The following PTPRN2 variants were observed in gnomAD, a reference collection of about 807,000 sequenced individuals.
The protein encoded by PTPRN2 is protein tyrosine phosphatase receptor type N2.
PTPRN2 carries 74 observed loss-of-function variants against 118.8 expected under a neutral mutation model. The observed-to-expected ratio is 0.62, with a 90% CI of 0.52 to 0.76. The LOEUF is 0.76. Ranked by LOEUF, PTPRN2 falls within the 30% of genes least tolerant of loss-of-function variation. The pLI is 0.00. For missense variants in PTPRN2, 1,481 were observed against 1,394.4 expected (o/e 1.06, Z -0.99); for synonymous variants, 641 against 608.0 (o/e 1.05, Z -0.80).
chr7:157,559,711 G>A (rs1799082641), intron 21 of PTPRN2, among the ~76,000 whole-genome samples: 2 of 152,172 alleles, frequency 1.3e-5, no homozygotes, highest in African/African-American at 4.8e-5. Context: ...TGGAGGGCAG[G>A]ACTTTGATCC....
intron 2 of PTPRN2, among the ~76,000 whole-genome samples, chr7:158,355,522 G>A (rs948058007): frequency 2.0e-5 from 3 of 152,252 alleles, no homozygotes; most frequent in Non-Finnish European, 4.4e-5. Context: ...TGCAACTGCA[G>A]TGCAGCCCTG....
Position 157,942,178 on chromosome 7 carries a change from C to T in PTPRN2, c.1724-43441G>A, listed in dbSNP as rs548765322. Among the ~76,000 whole-genome samples the T allele has an allele frequency of 8.9e-3, 311 of 34,786 alleles. 9 individuals are homozygous for T. The African/African-American group carries it at 0.11, about 12-fold the overall frequency. 22.8% of individuals were successfully genotyped at this position (34,786 alleles called of 152,430 possible). ...CCCACCCTCCACACACAGGGGTCCT[C>T]GGCCCACCCTCCACACACAGGGGTC... On this transcript the variant is annotated intron_variant, in intron 11 of 22. Transcript: ENST00000389418.
chr7:157,626,659 T>C (rs1224631887), intron 14 of PTPRN2, among the ~76,000 whole-genome samples: 1 of 152,154 alleles, frequency 6.6e-6, no homozygotes, highest in Admixed American at 6.5e-5. Flanking sequence ...ATGAGATTAA[T>C]TTTTTTAGGG....
At chr7:158,121,050 G>A (rs1001990845) in intron 9 of PTPRN2, among the ~76,000 whole-genome samples, 3 of 151,768 alleles carry the variant, frequency 2.0e-5, no homozygotes, top group East Asian at 1.9e-4. Context: ...CCTTTTTTTC[G>A]TGTGGCTGCA....
intron 12 of PTPRN2, among the ~76,000 whole-genome samples, chr7:157,734,077 ATG>A (rs1800140411): frequency 1.1e-5 from 1 of 87,210 alleles, no homozygotes; most frequent in Non-Finnish European, 2.3e-5. Context: ...TTTCCGTCCC[ATG>A]CACCCAGCAC....
chr7:158,554,423 G>A (rs750179433), intron 1 of PTPRN2, among the ~76,000 whole-genome samples: 2 of 152,214 alleles, frequency 1.3e-5, no homozygotes, highest in Non-Finnish European at 2.9e-5. Context: ...TGCTCTGGGA[G>A]GTGAAAAGTG....
In PTPRN2 at chr7:157,574,513, T is replaced by TGAGAGA. The variant is rs60406378; in HGVS notation, c.2783+2094_2783+2099dup. 1.4e-3 allele frequency: 404 copies of TGAGAGA among 283,480 alleles called. 2 individuals are homozygous for TGAGAGA. The highest frequency in any genetic ancestry group is 6.8e-3 in the African/African-American group (309 of 45,164). The allele number at this position is 283,480 out of a possible 1,614,324, so 17.6% of individuals were successfully genotyped here. A position where few individuals can be genotyped will look rare whatever the true frequency, so the allele number is the denominator to read the frequency against. ...ACAGCAAGAAGGGAGAGAGTAATAA[T>TGAGAGA]GAGAGAGAGAGAGAGAGAGAGAGTT... On this transcript the variant is annotated intron_variant, in intron 19 of 22. Transcript: ENST00000389418.
rs1185275697 is a variant in PTPRN2 at position 157,787,951 on chromosome 7, C to T, written c.1789-105014G>A. Among the ~76,000 whole-genome samples, 1 of 152,024 alleles carries T rather than the reference C, an allele frequency of 6.6e-6. No homozygotes were observed. Among genetic ancestry groups the T allele is most frequent in the Non-Finnish European group, 1.5e-5 (1 of 67,986 alleles). ...GCCTGGAGGTCTGGACAATGGGGAG[C>T]CAGCACCGGGTCCCCTGGGAACCAC... On this transcript the variant is annotated intron_variant, in intron 12 of 22. Coordinates refer to ENST00000389418, the MANE Select transcript of PTPRN2 (RefSeq NM_002847.5). The surrounding 1 kb of genome is among the most constrained non-coding windows in gnomAD (Gnocchi z 5.3).
At chr7:157,910,353 AGGATCAGGCACGTACGCC>A (rs1215220417) in intron 11 of PTPRN2, among the ~76,000 whole-genome samples, 4 of 148,246 alleles carry the variant, frequency 2.7e-5, no homozygotes, top group African/African-American at 1.0e-4. Context: ...GAACGGGTCC[AGGATCAGGCACGTACGCC>A]GGATCACGCA....
chr7:157,750,283 T>C (rs898875545), intron 12 of PTPRN2, among the ~76,000 whole-genome samples: 13 of 152,316 alleles, frequency 8.5e-5, no homozygotes, highest in Admixed American at 2.0e-4. Context: ...TCTTGTTTCT[T>C]GTTGTGTGGT....
intron 3 of PTPRN2, among the ~76,000 whole-genome samples, chr7:158,270,017 G>A (rs147591650): frequency 2.6e-4 from 40 of 152,326 alleles, no homozygotes; most frequent in African/African-American, 7.5e-4. Flanking sequence ...GCAGTTGCCC[G>A]TCCACTCTCT....
chr7:157,654,557 C>T (rs904452115), intron 14 of PTPRN2, among the ~76,000 whole-genome samples: 9 of 152,130 alleles, frequency 5.9e-5, no homozygotes, highest in African/African-American at 1.4e-4. Flanking sequence ...AGACGCGTTC[C>T]GAAACAGGAC....
intron 11 of PTPRN2, among the ~76,000 whole-genome samples, chr7:157,950,308 G>A (rs1200437353): frequency 1.3e-5 from 2 of 152,206 alleles, no homozygotes; most frequent in Admixed American, 6.5e-5. Flanking sequence ...GTTTCTGAGT[G>A]AACGGAGGTT....
chr7:158,119,353 G>C (rs1437310244), intron 9 of PTPRN2, among the ~76,000 whole-genome samples: 2 of 152,096 alleles, frequency 1.3e-5, no homozygotes, highest in Non-Finnish European at 1.5e-5. Context: ...GATGGCCACT[G>C]TAAGAAGAAA....
intron 12 of PTPRN2, among the ~76,000 whole-genome samples, chr7:157,878,394 C>T (rs886596467): frequency 3.5e-5 from 5 of 141,864 alleles, no homozygotes; most frequent in Admixed American, 7.0e-5. Context: ...TCTCGGATTC[C>T]GTGGGGCTGG....
At chr7:158,429,353 G>C (rs1815990185) in intron 2 of PTPRN2, among the ~76,000 whole-genome samples, 2 of 152,176 alleles carry the variant, frequency 1.3e-5, no homozygotes, top group Non-Finnish European at 1.5e-5. Flanking sequence ...CTCCACGCTG[G>C]TCCTTAGCAG....
chr7:157,767,054 C>A (rs114554947), intron 12 of PTPRN2, among the ~76,000 whole-genome samples: 60 of 152,300 alleles, frequency 3.9e-4, no homozygotes, highest in African/African-American at 1.4e-3. Flanking sequence ...CCAGGGGCTG[C>A]CATTGCCACA....
chr7:158,401,689 A>G (rs993090018), intron 2 of PTPRN2, among the ~76,000 whole-genome samples: 107 of 152,378 alleles, frequency 7.0e-4, no homozygotes, highest in African/African-American at 2.5e-3. Flanking sequence ...AAATATCTTG[A>G]TGATCTGATA....
At chr7:157,713,666 C>T (rs1314881361) in intron 12 of PTPRN2, among the ~76,000 whole-genome samples, 1 of 152,218 alleles carries the variant, frequency 6.6e-6, no homozygotes, top group Non-Finnish European at 1.5e-5. Flanking sequence ...CACAATCTAC[C>T]TGTAACCCTT....
Sources: gnomAD v4.1 joint callset for allele counts (sites outside exome capture counted in the v4.1 genomes callset) on GRCh38, gnomAD v4.1.1 for gene constraint, Gnocchi (gnomAD v3.1) non-coding constraint, MANE v1.5 for transcripts, NCBI Gene and HGNC (gene_info 2026-07-23, HGNC 2026-07-21) for gene names.